LAMB4: variants seen among roughly 807,000 people sequenced by gnomAD.
LAMB4 encodes the protein laminin subunit beta-4.
LAMB4 carries 196 observed loss-of-function variants against 199.2 expected under a neutral mutation model. That is an observed-to-expected ratio of 0.98 (90% CI 0.88 to 1.11). The LOEUF is 1.11. LAMB4 is among the 50% of genes least tolerant of loss of function. The pLI, the probability that LAMB4 is intolerant of heterozygous loss-of-function variation, is 0.00. For missense variants in LAMB4, 2,080 were observed against 2,171.2 expected (o/e 0.96, Z 0.83); for synonymous variants, 744 against 770.6 (o/e 0.97, Z 0.57).
chr7:108,075,852 C>G (rs1036371618), intron 17 of LAMB4: 2 of 160,852 alleles, frequency 1.2e-5, no homozygotes, highest in Non-Finnish European at 2.7e-5. Context: ...CCCAGCTACT[C>G]GGGAAGCTGA....
At position 108,024,107 on chromosome 7, in the gene LAMB4, C is replaced by A. The variant is rs2034753463; in HGVS notation, c.5218G>T (p.Asp1740Tyr). ...AKADQLRILE[D>Y]QVVAIKNEIV... ...TCATTTTTAATGGCAACAACTTGAT[C>A]TTCCAATATTCTCAGTTGATCAGCT... Residue 1740 changes from aspartate (D) to tyrosine (Y), a missense_variant, in exon 34 of 34, where the codon GAT becomes TAT. Coordinates refer to ENST00000388781, the MANE Select transcript of LAMB4 (RefSeq NM_007356.3). The A allele has an allele frequency of 1.2e-6, 2 of 1,605,166 alleles. No individual in the cohort carries two copies. Among genetic ancestry groups the A allele is most frequent in the African/African-American group, 1.3e-5 (1 of 74,612 alleles).
chr7:108,054,246 T>G (rs1289667950), intron 25 of LAMB4, among the ~76,000 whole-genome samples: 1 of 152,084 alleles, frequency 6.6e-6, no homozygotes, highest in Non-Finnish European at 1.5e-5. Flanking sequence ...CCCAGAAGTC[T>G]TTAGAGAAGT....
intron 30 of LAMB4, among the ~76,000 whole-genome samples, chr7:108,036,925 T>A (rs73424716): frequency 0.2 from 29,843 of 147,258 alleles, 6,825 homozygotes; most frequent in African/African-American, 0.57. Flanking sequence ...TTTTGCACCA[T>A]CCTAATATCT....
In LAMB4 at chr7:108,063,895, ATGT is replaced by A. The variant is rs1328331280; in HGVS notation, c.2924_2926del (p.Asn975del). The A allele has an allele frequency of 3.1e-6, 5 of 1,614,024 alleles. No homozygotes were observed. Among genetic ancestry groups the A allele is most frequent in the African/African-American group, 1.3e-5 (1 of 74,920 alleles). On this transcript the variant is annotated inframe_deletion, in exon 22 of 34. Transcript: ENST00000388781. ...GCAGGACTCTGGATCGGTTACATCT[ATGT>A]TGTTGTTGCAGGCACATGGTTGGCA...
chr7:108,076,933 G>A lies in LAMB4; in HGVS notation c.2124+11C>T. ...GCGAAGAAAGCACCCACAAAACTCT[G>A]TGATACTTACAGAGTCCACCAGGAC... On this transcript the variant is annotated intron_variant, in intron 17 of 33. Transcript: ENST00000388781. The A allele has an allele frequency of 6.2e-7, 1 of 1,611,438 alleles. No individual in the cohort carries two copies. The highest frequency in any genetic ancestry group is 8.5e-7 in the Non-Finnish European group (1 of 1,179,812).
rs563991994 is a variant in LAMB4 at position 108,093,498 on chromosome 7, C to T, written c.1471-1082G>A. 3.9e-5 allele frequency among the ~76,000 whole-genome samples: 6 copies of T among 152,338 alleles called. No homozygotes were observed. In the South Asian group the frequency reaches 1.2e-3, roughly 32 times the overall value. ...ATTTTGAGATATTACATGAATACCA[C>T]ACTTTAGCATAGGCATTTGTTTATC... On this transcript the variant is annotated intron_variant, in intron 12 of 33. Coordinates refer to ENST00000388781, the MANE Select transcript of LAMB4 (RefSeq NM_007356.3).
At chr7:108,036,260 G>A (rs2150497221) in intron 30 of LAMB4, among the ~76,000 whole-genome samples, 1 of 151,240 alleles carries the variant, frequency 6.6e-6, no homozygotes, top group African/African-American at 2.4e-5. Context: ...CGCAATCTTG[G>A]CTCACTGCAA....
At chr7:108,113,701 T>G (rs779882074) in intron 3 of LAMB4, among the ~76,000 whole-genome samples, 2 of 152,210 alleles carry the variant, frequency 1.3e-5, no homozygotes. Flanking sequence ...TTTAGAAGTA[T>G]AATCTTTGAT....
At chr7:108,014,715 T>A in the LAMB4 span, among the ~76,000 whole-genome samples, 1 of 144,020 alleles carries the variant, frequency 6.9e-6, no homozygotes, top group Non-Finnish European at 1.5e-5. Context: ...TAGAACTGGT[T>A]GTTGTTTTTT....
chr7:108,122,057 C>A (rs1178415460), intron 2 of LAMB4, among the ~76,000 whole-genome samples: 1 of 152,198 alleles, frequency 6.6e-6, no homozygotes, highest in Non-Finnish European at 1.5e-5. Context: ...GCAGTGAGGT[C>A]TTTTCTGCCC....
chr7:108,076,874 G>T, intron 17 of LAMB4, 70 bp downstream of exon 17: 1 of 1,508,772 alleles, frequency 6.6e-7, no homozygotes, highest in Non-Finnish European at 9.0e-7. Flanking sequence ...TATTTCACTA[G>T]TGAGTTTAAA....
chr7:108,103,012 T>C, intron 10 of LAMB4, 32 bp downstream of exon 10: 1 of 1,504,210 alleles, frequency 6.6e-7, no homozygotes, highest in Non-Finnish European at 9.0e-7. Context: ...GCTCAGACAG[T>C]GGGTAGGATC....
intron 3 of LAMB4, among the ~76,000 whole-genome samples, chr7:108,114,290 G>T (rs1442275930): frequency 6.6e-6 from 1 of 152,108 alleles, no homozygotes; most frequent in Non-Finnish European, 1.5e-5. Flanking sequence ...GCATGGTGGT[G>T]CTTGCCTACT....
intron 1 of LAMB4, among the ~76,000 whole-genome samples, chr7:108,123,788 T>C (rs1216317623): frequency 6.6e-6 from 1 of 152,242 alleles, no homozygotes; most frequent in Non-Finnish European, 1.5e-5. Context: ...CATCTTTCTG[T>C]ACTAACAAAT....
At position 108,065,892 on chromosome 7, in the gene LAMB4, A is replaced by G; in HGVS notation, c.2706T>C (p.Pro902=). ...AAGGACGACAGGGCTGTCCTGAAGA[A>G]GGATTTCCATAGTAACCATCAATAC... ...ERCIDGYYGN[P]SSGQPCRPCL... Residue 902 remains proline, a synonymous_variant, in exon 21 of 34, where the codon CCT becomes CCC. Coordinates refer to ENST00000388781, the MANE Select transcript of LAMB4 (RefSeq NM_007356.3). The G allele has an allele frequency of 6.2e-7, 1 of 1,614,030 alleles. No homozygotes were observed. The highest frequency in any genetic ancestry group is 8.5e-7 in the Non-Finnish European group (1 of 1,179,946).
At chr7:108,127,185 TTGTG>T (rs1436515287) in intron 1 of LAMB4, among the ~76,000 whole-genome samples, 1 of 68,972 alleles carries the variant, frequency 1.4e-5, no homozygotes, top group Non-Finnish European at 4.5e-5. Context: ...GTTTTTTTTT[TTGTG>T]TTTTTTTTTT....
the LAMB4 span, among the ~76,000 whole-genome samples, chr7:108,013,398 T>A: frequency 1.3e-5 from 2 of 152,234 alleles, no homozygotes; most frequent in Non-Finnish European, 2.9e-5. Flanking sequence ...ATGTTTCACT[T>A]TATTTGGTGG....
At chr7:108,109,016 T>C (rs747048070) in intron 5 of LAMB4, among the ~76,000 whole-genome samples, 155 bp downstream of exon 5, 31 of 152,296 alleles carry the variant, frequency 2.0e-4, no homozygotes, top group Non-Finnish European at 3.8e-4. Context: ...GTTTTTTTTT[T>C]CTTCATGTAA....
At chr7:108,045,836 G>C (rs2035600085) in intron 28 of LAMB4, among the ~76,000 whole-genome samples, 1 of 152,180 alleles carries the variant, frequency 6.6e-6, no homozygotes, top group Admixed American at 6.5e-5. Flanking sequence ...TGGCAATACA[G>C]AATTGTGACT....
Sources: gnomAD v4.1 joint callset for allele counts (sites outside exome capture counted in the v4.1 genomes callset) on GRCh38, gnomAD v4.1.1 for gene constraint, MANE v1.5 for transcripts, NCBI Gene and HGNC (gene_info 2026-07-23, HGNC 2026-07-21) for gene names.